The following STXBP6 variants were observed in gnomAD, a reference collection of about 807,000 sequenced individuals.
STXBP6 encodes syntaxin binding protein 6, also known as syntaxin-binding protein 6.
A neutral mutation model predicts 26.9 loss-of-function variants in STXBP6; 21 were observed. The observed-to-expected ratio is 0.78, with a 90% confidence interval of 0.55 to 1.12. STXBP6 has a LOEUF of 1.12. Ranked by LOEUF, STXBP6 falls within the 50% of genes most tolerant of loss-of-function variation. The pLI, the probability that STXBP6 is intolerant of heterozygous loss-of-function variation, is 0.00. For synonymous variants in STXBP6, 97 were observed against 92.6 expected, an observed-to-expected ratio of 1.05 and a Z score of -0.27; for missense variants, 232 against 257.9, an observed-to-expected ratio of 0.90 and a Z score of 0.69.
intron 1 of STXBP6, among the ~76,000 whole-genome samples, chr14:25,016,983 G>A (rs369025532): frequency 4.6e-5 from 7 of 152,132 alleles, no homozygotes; most frequent in African/African-American, 1.7e-4. Context: ...TACATAGTGC[G>A]GAGTATGCAG....
chr14:24,993,446 C>T (rs1258109294), intron 1 of STXBP6, among the ~76,000 whole-genome samples: 6 of 152,110 alleles, frequency 3.9e-5, no homozygotes, highest in East Asian at 1.9e-4. Flanking sequence ...TCTTTCTTGC[C>T]ATTGCTCTAA....
At chr14:25,018,829 C>A (rs986488773) in intron 1 of STXBP6, among the ~76,000 whole-genome samples, 1 of 152,170 alleles carries the variant, frequency 6.6e-6, no homozygotes, top group African/African-American at 2.4e-5. Flanking sequence ...TTCTGATCAA[C>A]CACCCAGGCC....
intron 4 of STXBP6, among the ~76,000 whole-genome samples, chr14:24,834,785 A>C (rs2068563095): frequency 6.6e-6 from 1 of 152,126 alleles, no homozygotes; most frequent in East Asian, 1.9e-4. Context: ...CCTGTGGGGG[A>C]GAAGGGCTTG....
chr14:25,025,674 A>T (rs575020187), intron 1 of STXBP6, among the ~76,000 whole-genome samples: 1 of 152,198 alleles, frequency 6.6e-6, no homozygotes, highest in Non-Finnish European at 1.5e-5. Flanking sequence ...AAAAGAAATG[A>T]AGGCAAAAGA....
chr14:24,958,394 C>T (rs1041817330), intron 2 of STXBP6, among the ~76,000 whole-genome samples: 11 of 152,224 alleles, frequency 7.2e-5, no homozygotes, highest in African/African-American at 2.4e-4. Context: ...AAGGTATTTC[C>T]AGCCCAGACT....
At chr14:24,991,713 A>G (rs2074479413) in intron 1 of STXBP6, among the ~76,000 whole-genome samples, 1 of 152,242 alleles carries the variant, frequency 6.6e-6, no homozygotes, top group African/African-American at 2.4e-5. Context: ...ATGTCATCTA[A>G]CAAAAGAAAG....
chr14:24,970,282 T>C (rs1473499843), intron 2 of STXBP6, among the ~76,000 whole-genome samples: 1 of 152,024 alleles, frequency 6.6e-6, no homozygotes, highest in African/African-American at 2.4e-5. Flanking sequence ...TATTTATATA[T>C]AATAAAATAC....
At chr14:24,865,291 T>A (rs1172112116) in intron 2 of STXBP6, among the ~76,000 whole-genome samples, 1 of 151,964 alleles carries the variant, frequency 6.6e-6, no homozygotes, top group Non-Finnish European at 1.5e-5. Flanking sequence ...AGATGGGAAA[T>A]GAATAAGGTG....
At chr14:25,025,890 G>A (rs2075340562) in intron 1 of STXBP6, among the ~76,000 whole-genome samples, 1 of 152,134 alleles carries the variant, frequency 6.6e-6, no homozygotes, top group African/African-American at 2.4e-5. Flanking sequence ...ACACTCAACT[G>A]TTTAGCTTGG....
At chr14:24,907,737 T>C (rs764850218) in intron 2 of STXBP6, among the ~76,000 whole-genome samples, 8 of 152,178 alleles carry the variant, frequency 5.3e-5, no homozygotes, top group African/African-American at 1.9e-4. Flanking sequence ...TTGATAACAT[T>C]CTGTCCATGA....
chr14:25,049,931 G>T lies in STXBP6; in HGVS notation c.-86C>A. ...GCCAGTGCGCGGCACGCGTCCCAGA[G>T]CACGAGGCTCCTCCCCGGGGGGCTG... On this transcript the variant is annotated 5_prime_UTR_variant, in exon 1 of 6. Coordinates refer to ENST00000323944, the MANE Select transcript of STXBP6 (RefSeq NM_001394410.1). This position sits in a 1 kb window ranked among gnomAD's most constrained non-coding sequence, Gnocchi z 5.6. 1.0e-6 allele frequency: 1 copy of T among 959,722 alleles called. No homozygotes were observed. Among genetic ancestry groups the T allele is most frequent in the Non-Finnish European group, 1.2e-6 (1 of 806,668 alleles). 59.5% of individuals were successfully genotyped at this position (959,722 alleles called of 1,614,324 possible).
intron 2 of STXBP6, among the ~76,000 whole-genome samples, chr14:24,875,792 A>G (rs2070120122): frequency 6.6e-6 from 1 of 152,202 alleles, no homozygotes; most frequent in Admixed American, 6.5e-5. Flanking sequence ...TGCATACTGA[A>G]GGAAAAGTGA....
At chr14:24,818,523 T>C (rs1450974636) in intron 5 of STXBP6, among the ~76,000 whole-genome samples, 2 of 152,086 alleles carry the variant, frequency 1.3e-5, no homozygotes, top group African/African-American at 4.8e-5. Context: ...TCGACCCCTC[T>C]CCGAGGGAAA....
intron 1 of STXBP6, among the ~76,000 whole-genome samples, chr14:24,998,708 G>T (rs1285444444): frequency 6.6e-6 from 1 of 152,210 alleles, no homozygotes; most frequent in African/African-American, 2.4e-5. Flanking sequence ...CACTGAAGAT[G>T]TAAGTGTTAC....
At chr14:24,881,410 A>G (rs1244530998) in intron 2 of STXBP6, among the ~76,000 whole-genome samples, 1 of 152,166 alleles carries the variant, frequency 6.6e-6, no homozygotes. Context: ...AGTATTTGAG[A>G]CTCCATTCAA....
At chr14:25,017,066 A>G (rs2075165350) in intron 1 of STXBP6, among the ~76,000 whole-genome samples, 1 of 152,226 alleles carries the variant, frequency 6.6e-6, no homozygotes, top group African/African-American at 2.4e-5. Flanking sequence ...ACTAGATGCC[A>G]GGTATAAAGT....
intron 2 of STXBP6, among the ~76,000 whole-genome samples, chr14:24,917,121 A>G (rs180739939): frequency 2.0e-5 from 3 of 152,172 alleles, no homozygotes; most frequent in South Asian, 2.1e-4. Context: ...TGTCCCTGGT[A>G]CACATTTCTA....
chr14:24,930,366 A>T (rs778723403), intron 2 of STXBP6, among the ~76,000 whole-genome samples: 2 of 152,220 alleles, frequency 1.3e-5, no homozygotes, highest in Admixed American at 1.3e-4. Flanking sequence ...TTCACCACAC[A>T]TTTTTGTGAT....
intron 4 of STXBP6, among the ~76,000 whole-genome samples, chr14:24,839,699 G>A (rs1237468077): frequency 6.6e-6 from 1 of 152,168 alleles, no homozygotes; most frequent in East Asian, 1.9e-4. Flanking sequence ...AGTTCAAAGT[G>A]CTCTGTGACA....
Sources: gnomAD v4.1 joint callset for allele counts (sites outside exome capture counted in the v4.1 genomes callset) on GRCh38, gnomAD v4.1.1 for gene constraint, Gnocchi (gnomAD v3.1) non-coding constraint, MANE v1.5 for transcripts, NCBI Gene and HGNC (gene_info 2026-07-23, HGNC 2026-07-21) for gene names.